ADAMTSL1: variants seen among roughly 807,000 people sequenced by gnomAD.
ADAMTSL1 encodes the protein ADAMTS-like protein 1.
A neutral mutation model predicts 201.8 loss-of-function variants in ADAMTSL1; 126 were observed. The observed-to-expected ratio is 0.62, with a 90% CI of 0.54 to 0.72. The LOEUF (loss-of-function observed/expected upper bound fraction) is 0.72. Ranked by LOEUF, ADAMTSL1 falls within the 30% of genes least tolerant of loss-of-function variation. The pLI is 0.00. For missense variants in ADAMTSL1, 2,679 were observed against 2,277.8 expected, an observed-to-expected ratio of 1.18 and a Z score of -3.59; for synonymous variants, 1,121 against 903.4, an observed-to-expected ratio of 1.24 and a Z score of -4.32.
At chr9:18,794,098 T>G (rs989381044) in intron 19 of ADAMTSL1, among the ~76,000 whole-genome samples, 7 of 151,980 alleles carry the variant, frequency 4.6e-5, no homozygotes, top group African/African-American at 1.7e-4. Context: ...AAGGGCAAGT[T>G]TTGACTTTAT....
At chr9:18,032,583 G>T (rs1239663778) in intron 1 of ADAMTSL1, among the ~76,000 whole-genome samples, 1 of 152,138 alleles carries the variant, frequency 6.6e-6, no homozygotes, top group African/African-American at 2.4e-5. Flanking sequence ...CTGCTGGCTG[G>T]CAGTCAGCAG....
intron 1 of ADAMTSL1, among the ~76,000 whole-genome samples, chr9:17,969,952 A>T (rs1328349134): frequency 6.6e-6 from 1 of 152,136 alleles, no homozygotes; most frequent in Non-Finnish European, 1.5e-5. Flanking sequence ...AACAAAAACC[A>T]TAAAATAAAA....
intron 1 of ADAMTSL1, among the ~76,000 whole-genome samples, chr9:18,482,330 A>G (rs1307853616): frequency 6.6e-6 from 1 of 152,208 alleles, no homozygotes; most frequent in Non-Finnish European, 1.5e-5. Flanking sequence ...TGTTTAAAGA[A>G]ATAAGTGGTA....
intron 14 of ADAMTSL1, among the ~76,000 whole-genome samples, chr9:18,717,648 G>T (rs1262659778): frequency 1.3e-5 from 2 of 152,140 alleles, no homozygotes; most frequent in Non-Finnish European, 2.9e-5. Flanking sequence ...TATGAGTGAG[G>T]GTTAGAGTAT....
chr9:18,245,109 TCA>T (rs774608407), intron 2 of ADAMTSL1, among the ~76,000 whole-genome samples: 52 of 152,202 alleles, frequency 3.4e-4, no homozygotes, highest in Middle Eastern at 3.4e-3. Context: ...AGGTGTTAGA[TCA>T]GGGAATTCCT....
At chr9:18,514,324 T>C (rs13286126) in intron 2 of ADAMTSL1, among the ~76,000 whole-genome samples, 2 of 143,682 alleles carry the variant, frequency 1.4e-5, no homozygotes, top group Non-Finnish European at 3.0e-5. Context: ...CTGATTTTTC[T>C]TTCTTTTTTT....
intron 2 of ADAMTSL1, among the ~76,000 whole-genome samples, chr9:18,168,393 G>C (rs554112480): frequency 3.3e-5 from 5 of 152,054 alleles, no homozygotes; most frequent in Non-Finnish European, 7.4e-5. Context: ...TTTTGTCCTT[G>C]TGATAGTTTG....
chr9:17,992,838 A>AC (rs1264040669), intron 1 of ADAMTSL1, among the ~76,000 whole-genome samples: 1 of 152,184 alleles, frequency 6.6e-6, no homozygotes, highest in Middle Eastern at 3.2e-3. Context: ...CAAGATTCAA[A>AC]CCCAGGTTTC....
chr9:17,953,262 G>C (rs1167129389), intron 1 of ADAMTSL1, among the ~76,000 whole-genome samples: 1 of 152,204 alleles, frequency 6.6e-6, no homozygotes, highest in African/African-American at 2.4e-5. Context: ...TTTATGCCTG[G>C]TGGATAGGCT....
intron 2 of ADAMTSL1, among the ~76,000 whole-genome samples, chr9:18,463,071 C>G (rs1179422190): frequency 6.6e-6 from 1 of 152,090 alleles, no homozygotes; most frequent in Non-Finnish European, 1.5e-5. Flanking sequence ...GCTAAAATAA[C>G]CAAATCCAAT....
chr9:18,849,823 T>C (rs905422792), intron 23 of ADAMTSL1, among the ~76,000 whole-genome samples: 3 of 152,246 alleles, frequency 2.0e-5, no homozygotes, highest in Admixed American at 6.5e-5. Flanking sequence ...TTTGTAGTTA[T>C]TTATGGCTCC....
chr9:18,182,618 G>C (rs1587251715), intron 2 of ADAMTSL1, among the ~76,000 whole-genome samples: 1 of 152,180 alleles, frequency 6.6e-6, no homozygotes, highest in South Asian at 2.1e-4. Context: ...CTGCAGAGTG[G>C]CAGGTAGTGA....
At chr9:18,098,435 A>G (rs1224830139) in intron 1 of ADAMTSL1, among the ~76,000 whole-genome samples, 1 of 152,190 alleles carries the variant, frequency 6.6e-6, no homozygotes, top group South Asian at 2.1e-4. Context: ...GTTTTGTAGT[A>G]TGCAGTACAC....
chr9:17,959,777 T>G (rs1377702835), intron 1 of ADAMTSL1, among the ~76,000 whole-genome samples: 1 of 152,118 alleles, frequency 6.6e-6, no homozygotes, highest in East Asian at 1.9e-4. Context: ...TAGAAAAGTA[T>G]ATTTTCTTCT....
At chr9:17,950,815 G>T (rs1222489818) in intron 1 of ADAMTSL1, among the ~76,000 whole-genome samples, 2 of 152,060 alleles carry the variant, frequency 1.3e-5, no homozygotes, top group East Asian at 3.9e-4. Context: ...AACTATGTGG[G>T]TAATGTTTCA....
At chr9:18,888,635 G>C (rs1356787465) in intron 24 of ADAMTSL1, among the ~76,000 whole-genome samples, 2 of 152,204 alleles carry the variant, frequency 1.3e-5, no homozygotes, top group Non-Finnish European at 2.9e-5. Flanking sequence ...CCAAGAAAGA[G>C]TTGTAAATGA....
chr9:18,623,403 A>C (rs1173969676), intron 5 of ADAMTSL1, among the ~76,000 whole-genome samples: 2 of 152,222 alleles, frequency 1.3e-5, no homozygotes, highest in African/African-American at 4.8e-5. Context: ...ACTTGCACAG[A>C]GTCACACAGT....
chr9:18,571,463 C>A (rs1298813179), intron 3 of ADAMTSL1, among the ~76,000 whole-genome samples: 2 of 152,174 alleles, frequency 1.3e-5, no homozygotes, highest in African/African-American at 4.8e-5. Context: ...TCTACTTCTT[C>A]TGTACTTGTA....
intron 20 of ADAMTSL1, among the ~76,000 whole-genome samples, chr9:18,813,633 A>T: frequency 6.6e-6 from 1 of 152,222 alleles, no homozygotes; most frequent in Non-Finnish European, 1.5e-5. Context: ...CTATTAGTAT[A>T]TAAAAACACT....
Sources: gnomAD v4.1 joint callset for allele counts (sites outside exome capture counted in the v4.1 genomes callset) on GRCh38, gnomAD v4.1.1 for gene constraint, MANE v1.5 for transcripts, NCBI Gene and HGNC (gene_info 2026-07-23, HGNC 2026-07-21) for gene names.